Variants in MAN2A1 observed in about 807,000 individuals in gnomAD.
The protein encoded by MAN2A1 is alpha-mannosidase 2.
In MAN2A1, 76 loss-of-function variants were observed where a neutral mutation model predicts 142.6. The observed-to-expected ratio is 0.53, with a 90% CI of 0.44 to 0.65. The LOEUF is 0.65. Ranked by LOEUF, MAN2A1 falls within the 30% of genes least tolerant of loss-of-function variation. The probability of loss-of-function intolerance (pLI) is 0.00; values close to 1 mark genes in which losing one functional copy is unlikely to be tolerated. For missense variants in MAN2A1, 1,311 were observed against 1,365.1 expected, an observed-to-expected ratio of 0.96 and a Z score of 0.62; for synonymous variants, 559 against 473.2, an observed-to-expected ratio of 1.18 and a Z score of -2.35.
At chr5:109,809,867 C>A (rs1347636513) in intron 12 of MAN2A1, among the ~76,000 whole-genome samples, 1 of 152,108 alleles carries the variant, frequency 6.6e-6, no homozygotes, top group Non-Finnish European at 1.5e-5. Context: ...CATATTAGAT[C>A]TTTTCACTGA....
chr5:109,758,661 CTAAA>C (rs1279383388), intron 5 of MAN2A1, among the ~76,000 whole-genome samples: 1 of 147,930 alleles, frequency 6.8e-6, no homozygotes, highest in African/African-American at 2.5e-5. Flanking sequence ...ATTAAATTAA[CTAAA>C]TATTATATTT....
chr5:109,784,529 T>C (rs1038001724), intron 9 of MAN2A1, among the ~76,000 whole-genome samples: 1 of 152,190 alleles, frequency 6.6e-6, no homozygotes, highest in Non-Finnish European at 1.5e-5. Flanking sequence ...CTGATACCAG[T>C]GTAGACATGG....
chr5:109,823,847 T>C lies in MAN2A1; in HGVS notation c.2566+10T>C. 1 of 1,351,938 alleles carries C rather than the reference T, an allele frequency of 7.4e-7. No individual in the cohort carries two copies. The highest frequency in any genetic ancestry group is 1.0e-6 in the Non-Finnish European group (1 of 977,500). 83.7% of individuals were successfully genotyped at this position (1,351,938 alleles called of 1,614,324 possible). A position where few individuals can be genotyped will look rare whatever the true frequency, so the allele number is the denominator to read the frequency against. ...CTATACCACATACAGGGTAAGAAAA[T>C]AGGAATGCAGTTATGAAACATATGT... On this transcript the variant is annotated intron_variant, in intron 16 of 21. Coordinates refer to ENST00000261483, the MANE Select transcript of MAN2A1 (RefSeq NM_002372.4).
intron 3 of MAN2A1, among the ~76,000 whole-genome samples, chr5:109,726,397 A>G (rs188151783): frequency 6.8e-4 from 103 of 152,260 alleles, no homozygotes; most frequent in African/African-American, 2.5e-3. Flanking sequence ...TTACTGTTAT[A>G]TTACTCAGTA....
intron 3 of MAN2A1, among the ~76,000 whole-genome samples, chr5:109,723,429 C>T (rs1751658895): frequency 6.6e-6 from 1 of 152,146 alleles, no homozygotes; most frequent in African/African-American, 2.4e-5. Flanking sequence ...TGTCTTCTTA[C>T]CCTCTCTTGG....
At chr5:109,767,982 T>G (rs528549505) in intron 6 of MAN2A1, among the ~76,000 whole-genome samples, 4 of 152,350 alleles carry the variant, frequency 2.6e-5, no homozygotes, top group Non-Finnish European at 5.9e-5. Flanking sequence ...ATGCTTTCAC[T>G]TGCTTCTGTT....
intron 6 of MAN2A1, 87 bp from the exon 7 acceptor site, chr5:109,770,268 A>G: frequency 8.1e-7 from 1 of 1,236,566 alleles, no homozygotes; most frequent in Non-Finnish European, 1.2e-6. Flanking sequence ...AATCAGCATT[A>G]CTTTGTGTAA....
intron 1 of MAN2A1, among the ~76,000 whole-genome samples, chr5:109,708,509 G>GACACACACACACACACACACAC (rs145989678): frequency 0.021 from 2,645 of 124,450 alleles, 100 homozygotes; most frequent in East Asian, 0.059. Context: ...GAACTGATAG[G>GACACACACACACACACACACAC]ACACACACAC....
Position 109,729,415 on chromosome 5 carries a change from G to A in MAN2A1, c.609G>A (p.Leu203=), listed in dbSNP as rs1751836778. ...QYIFNNMVLK[L]KEDSRRKFIW... Reference sequence around the variant, plus strand: ...TTTTTAATAACATGGTCCTAAAGCTGAAAGAAGACTCACGGAGGAAGTTTA... The same window carrying A: ...TTTTTAATAACATGGTCCTAAAGCTAAAAGAAGACTCACGGAGGAAGTTTA... The change falls in exon 4 of 22, where the codon CTG becomes CTA. Residue 203 remains leucine, a synonymous_variant. Coordinates refer to ENST00000261483, the MANE Select transcript of MAN2A1 (RefSeq NM_002372.4). 4 of 1,605,206 alleles carry A rather than the reference G, an allele frequency of 2.5e-6. No homozygotes were observed. The South Asian group carries it at 3.3e-5, about 13-fold the overall frequency.
chr5:109,828,716 A>G (rs1754826392), intron 16 of MAN2A1, among the ~76,000 whole-genome samples: 1 of 152,224 alleles, frequency 6.6e-6, no homozygotes, highest in Non-Finnish European at 1.5e-5. Flanking sequence ...CTTAAATGCA[A>G]TACTTCTGCC....
chr5:109,772,882 C>G (rs961228526), intron 7 of MAN2A1, among the ~76,000 whole-genome samples: 3 of 152,106 alleles, frequency 2.0e-5, no homozygotes, highest in Admixed American at 1.3e-4. Flanking sequence ...TTTGATATGT[C>G]CAGCTCAGCA....
intron 12 of MAN2A1, chr5:109,804,028 C>T: frequency 3.8e-6 from 1 of 261,450 alleles, no homozygotes; most frequent in South Asian, 1.4e-4. Context: ...TCCATCATGT[C>T]TTCTGAAATA....
intron 6 of MAN2A1, 145 bp from the exon 7 acceptor site, chr5:109,770,210 G>C (rs1289500932): frequency 1.5e-6 from 1 of 657,518 alleles, no homozygotes; most frequent in African/African-American, 1.8e-5. Context: ...ATACCGCTGG[G>C]GTATATGTAC....
At chr5:109,823,887 A>G (rs1183317442) in intron 16 of MAN2A1, 50 bp downstream of exon 16, 1 of 889,906 alleles carries the variant, frequency 1.1e-6, no homozygotes, top group Non-Finnish European at 1.6e-6. Context: ...TGGTTTTTGA[A>G]TTCTTGCTTT....
At chr5:109,732,602 C>T (rs1751949007) in intron 4 of MAN2A1, among the ~76,000 whole-genome samples, 1 of 152,070 alleles carries the variant, frequency 6.6e-6, no homozygotes, top group Admixed American at 6.5e-5. Flanking sequence ...TTTGCCAGCA[C>T]CATTTATTAA....
At chr5:109,845,113 T>C (rs1358900119) in intron 17 of MAN2A1, among the ~76,000 whole-genome samples, 1 of 152,224 alleles carries the variant, frequency 6.6e-6, no homozygotes, top group Non-Finnish European at 1.5e-5. Flanking sequence ...TCTTCACTTT[T>C]ATATCCAACT....
At chr5:109,801,652 C>T (rs887014419) in intron 12 of MAN2A1, among the ~76,000 whole-genome samples, 8 of 152,076 alleles carry the variant, frequency 5.3e-5, no homozygotes, top group African/African-American at 9.7e-5. Flanking sequence ...TTGCCCACTT[C>T]GGCTCAGGGA....
intron 12 of MAN2A1, among the ~76,000 whole-genome samples, chr5:109,798,418 G>C (rs1753919923): frequency 2.0e-5 from 3 of 152,144 alleles, no homozygotes; most frequent in Non-Finnish European, 4.4e-5. Flanking sequence ...AGCTCTCTTG[G>C]GATGGCCCAT....
At chr5:109,810,951 T>C (rs2112712039) in intron 12 of MAN2A1, among the ~76,000 whole-genome samples, 1 of 152,180 alleles carries the variant, frequency 6.6e-6, no homozygotes, top group Non-Finnish European at 1.5e-5. Flanking sequence ...AGAGTGTTTA[T>C]ATTTCTGTTG....
Sources: gnomAD v4.1 joint callset for allele counts (sites outside exome capture counted in the v4.1 genomes callset) on GRCh38, gnomAD v4.1.1 for gene constraint, MANE v1.5 for transcripts, NCBI Gene and HGNC (gene_info 2026-07-23, HGNC 2026-07-21) for gene names.